PBX1: variants seen among roughly 807,000 people sequenced by gnomAD.
PBX1 encodes pre-B-cell leukemia transcription factor 1.
A neutral mutation model predicts 53.4 loss-of-function variants in PBX1; 6 were observed. The observed-to-expected ratio is 0.11, with a 90% CI of 0.06 to 0.22. The LOEUF is 0.22. PBX1 is among the 10% of genes least tolerant of loss of function. The pLI, the probability that PBX1 is intolerant of heterozygous loss-of-function variation, is 1.00. For missense variants in PBX1, 251 were observed against 551.4 expected, an observed-to-expected ratio of 0.46 and a Z score of 5.46; for synonymous variants, 204 against 212.3, an observed-to-expected ratio of 0.96 and a Z score of 0.34.
rs1671623807 is a variant in PBX1, at chr1:164,847,325, A to G, written c.*649A>G. On this transcript the variant is annotated 3_prime_UTR_variant, in exon 9 of 9. Coordinates refer to ENST00000420696, the MANE Select transcript of PBX1 (RefSeq NM_002585.4). ...TGGGGACTGTCATAGCTGGGATTCT[A>G]AAGGTGCCACATTTTTCAGTTTCAT... 1.9e-6 allele frequency: 2 copies of G among 1,064,674 alleles called. No homozygotes were observed. The highest frequency in any genetic ancestry group is 2.3e-6 in the Non-Finnish European group (2 of 878,902). The allele number at this position is 1,064,674 out of a possible 1,614,324, so 66.0% of individuals were successfully genotyped here.
intron 2 of PBX1, among the ~76,000 whole-genome samples, chr1:164,613,865 A>C (rs1041878363): frequency 6.6e-6 from 1 of 151,950 alleles, no homozygotes; most frequent in Admixed American, 6.6e-5. Context: ...CTGCAGGTAG[A>C]TTGCCCCTTC....
intron 2 of PBX1, among the ~76,000 whole-genome samples, chr1:164,711,437 G>T (rs1175089620): frequency 6.6e-6 from 1 of 152,106 alleles, no homozygotes; most frequent in Non-Finnish European, 1.5e-5. Flanking sequence ...CTAATTTTTT[G>T]TATTTTTCAT....
At chr1:164,867,828 C>T (rs73030715) in intron 2 of PBX1, among the ~76,000 whole-genome samples, 1,983 of 152,356 alleles carry the variant, frequency 0.013, 47 homozygotes, top group African/African-American at 0.044. Context: ...AATATCAGCG[C>T]GGCCCAGCCC....
intron 2 of PBX1, among the ~76,000 whole-genome samples, chr1:164,719,891 C>A (rs1344612651): frequency 2.0e-5 from 3 of 152,148 alleles, no homozygotes; most frequent in Non-Finnish European, 4.4e-5. Context: ...CCTGGGCAAA[C>A]TCACTCTTCC....
intron 2 of PBX1, among the ~76,000 whole-genome samples, chr1:164,669,392 G>A (rs1387206317): frequency 6.6e-6 from 1 of 152,184 alleles, no homozygotes; most frequent in African/African-American, 2.4e-5. Flanking sequence ...TTAAGAGCAA[G>A]GGATTGGGAT....
rs565932557 is a variant in PBX1, at chr1:164,881,563, G to A, written n.258-17625G>A. Among the ~76,000 whole-genome samples the A allele has an allele frequency of 4.5e-4, 29 of 65,036 alleles. No individual in the cohort carries two copies. The East Asian group carries it at 9.0e-3, about 20-fold the overall frequency. The allele number at this position is 65,036 out of a possible 152,430, so 42.7% of individuals were successfully genotyped here. ...AAGAACCAGAGAGAGTAGCGGTGGT[G>A]AGAGAGAGAGAGAGAGGAAGGAAGG... On this transcript the variant is annotated intron_variant and non_coding_transcript_variant, in intron 2 of 2. Coordinates refer to the PBX1 transcript ENST00000558796.
chr1:164,763,601 A>G (rs2789442), intron 2 of PBX1, among the ~76,000 whole-genome samples: 65,169 of 152,068 alleles, frequency 0.43, 15,002 homozygotes, highest in Middle Eastern at 0.53. Flanking sequence ...ACCAAGAAAG[A>G]TAGACCGAGG....
At chr1:164,699,373 C>T (rs78777306) in intron 2 of PBX1, among the ~76,000 whole-genome samples, 221 of 152,274 alleles carry the variant, frequency 1.5e-3, no homozygotes, top group African/African-American at 5.0e-3. Context: ...TGCCTTTCTA[C>T]CTGCTCGTGG....
chr1:164,670,104 G>A (rs72696436), intron 2 of PBX1, among the ~76,000 whole-genome samples: 5,269 of 152,008 alleles, frequency 0.035, 133 homozygotes, highest in Middle Eastern at 0.058. Flanking sequence ...TGAGGAGTGG[G>A]ACTCTGCCCT....
intron 8 of PBX1, among the ~76,000 whole-genome samples, chr1:164,826,507 C>T (rs866643017): frequency 9.2e-5 from 14 of 151,942 alleles, no homozygotes; most frequent in South Asian, 2.1e-4. Context: ...TGGGTTCAAG[C>T]GATTCTTGTG....
chr1:164,773,878 C>T (rs1400405455), intron 2 of PBX1, among the ~76,000 whole-genome samples: 1 of 152,216 alleles, frequency 6.6e-6, no homozygotes. Flanking sequence ...AGTGTTAACG[C>T]AGTGGATCTG....
chr1:164,700,019 T>G (rs1486979317), intron 2 of PBX1, among the ~76,000 whole-genome samples: 2 of 151,992 alleles, frequency 1.3e-5, no homozygotes, highest in African/African-American at 4.8e-5. Context: ...CATGGGAAAA[T>G]AAACCATCCG....
intron 2 of PBX1, among the ~76,000 whole-genome samples, chr1:164,638,065 A>C (rs1377362337): frequency 6.6e-6 from 1 of 152,206 alleles, no homozygotes; most frequent in Non-Finnish European, 1.5e-5. Flanking sequence ...TTCGAAATTC[A>C]GCCTTTTTCT....
At chr1:164,630,214 T>C (rs1228577727) in intron 2 of PBX1, among the ~76,000 whole-genome samples, 2 of 152,204 alleles carry the variant, frequency 1.3e-5, no homozygotes, top group African/African-American at 4.8e-5. Context: ...GGCATGGGCA[T>C]AGACAGAAAG....
At chr1:164,626,956 ACTG>A (rs1258016833) in intron 2 of PBX1, among the ~76,000 whole-genome samples, 2 of 152,196 alleles carry the variant, frequency 1.3e-5, no homozygotes, top group Non-Finnish European at 2.9e-5. Flanking sequence ...CATAAAATTA[ACTG>A]CTTTTTCAAT....
At chr1:164,673,553 C>T (rs1281165710) in intron 2 of PBX1, among the ~76,000 whole-genome samples, 1 of 149,384 alleles carries the variant, frequency 6.7e-6, no homozygotes, top group Non-Finnish European at 1.5e-5. Context: ...TCACTGCAAC[C>T]TCCGCCTCCC....
chr1:164,597,403 A>T (rs1357350015), intron 2 of PBX1, among the ~76,000 whole-genome samples: 1 of 152,226 alleles, frequency 6.6e-6, no homozygotes, highest in African/African-American at 2.4e-5. Context: ...CTTGGAAAAT[A>T]TAACATAGTT....
intron 2 of PBX1, among the ~76,000 whole-genome samples, chr1:164,712,063 C>A (rs961658604): frequency 6.8e-6 from 1 of 147,070 alleles, no homozygotes; most frequent in Non-Finnish European, 1.5e-5. Context: ...ATCTGCCTTG[C>A]AGGGAAGGGT....
At chr1:164,857,367 C>A (rs567292584) in intron 2 of PBX1, among the ~76,000 whole-genome samples, 2 of 152,086 alleles carry the variant, frequency 1.3e-5, no homozygotes, top group South Asian at 2.1e-4. Flanking sequence ...GAGCCTCTAA[C>A]CCCATGGAGT....
Sources: gnomAD v4.1 joint callset for allele counts (sites outside exome capture counted in the v4.1 genomes callset) on GRCh38, gnomAD v4.1.1 for gene constraint, MANE v1.5 for transcripts, NCBI Gene and HGNC (gene_info 2026-07-23, HGNC 2026-07-21) for gene names.